Variants in OLFM2 observed in about 807,000 individuals in gnomAD.
The protein encoded by OLFM2 is noelin-2.
A neutral mutation model predicts 43.9 loss-of-function variants in OLFM2; 20 were observed. That is an observed-to-expected ratio of 0.46 (90% CI 0.32 to 0.66). The LOEUF is 0.66. Among genes scored for constraint, OLFM2 ranks in the 30% least tolerant of loss-of-function variants. The probability of loss-of-function intolerance (pLI) is 0.04; values close to 1 mark genes in which losing one functional copy is unlikely to be tolerated. For synonymous variants in OLFM2, 268 were observed against 278.6 expected, an observed-to-expected ratio of 0.96 and a Z score of 0.38; for missense variants, 416 against 643.6, an observed-to-expected ratio of 0.65 and a Z score of 3.83.
chr19:9,877,650 G>A (rs776771295), intron 1 of OLFM2, among the ~76,000 whole-genome samples: 3 of 152,096 alleles, frequency 2.0e-5, no homozygotes, highest in Non-Finnish European at 2.9e-5. Context: ...GTGAATTAAT[G>A]CCATTATCAG....
At position 9,895,377 on chromosome 19, in the gene OLFM2, T is replaced by A. The variant is rs1249615366; in HGVS notation, c.64-34583A>T. 2.6e-5 allele frequency among the ~76,000 whole-genome samples: 4 copies of A among 152,068 alleles called. No individual in the cohort carries two copies. The East Asian group carries it at 7.8e-4, about 30-fold the overall frequency. ...GGGGTGTGGTGGCACACGCCTGTAG[T>A]CCCAGCTACTCGGGAAGCTGAGGTG... On this transcript the variant is annotated intron_variant, in intron 1 of 5. Coordinates refer to ENST00000264833, the MANE Select transcript of OLFM2 (RefSeq NM_058164.4).
At chr19:9,901,158 G>C (rs1048047707) in intron 1 of OLFM2, among the ~76,000 whole-genome samples, 3 of 141,414 alleles carry the variant, frequency 2.1e-5, no homozygotes, top group African/African-American at 7.9e-5. Context: ...GAAAGAAAAA[G>C]AAAGAAAGGA....
intron 1 of OLFM2, among the ~76,000 whole-genome samples, chr19:9,914,913 C>T (rs2046863079): frequency 6.6e-6 from 1 of 152,108 alleles, no homozygotes; most frequent in South Asian, 2.1e-4. Flanking sequence ...TGACTCAGGC[C>T]TTTCCAGGCG....
rs2046291573 is a variant in OLFM2, at chr19:9,853,979, A to T, written c.*207T>A. 3.4e-6 allele frequency: 2 copies of T among 595,966 alleles called. No individual in the cohort carries two copies. The highest frequency in any genetic ancestry group is 4.1e-5 in the South Asian group (2 of 48,338). The allele number at this position is 595,966 out of a possible 1,614,324, so 36.9% of individuals were successfully genotyped here. A position where few individuals can be genotyped will look rare whatever the true frequency, so the allele number is the denominator to read the frequency against. On this transcript the variant is annotated 3_prime_UTR_variant, in exon 6 of 6. Transcript: ENST00000264833. ...AAAGGCAGAAAGAAAGAAGTGGTGT[A>T]TTAAAAGCAGAGATCAATAAAGGAG...
chr19:9,921,050 A>C (rs1467401318), intron 1 of OLFM2, among the ~76,000 whole-genome samples: 1 of 152,212 alleles, frequency 6.6e-6, no homozygotes, highest in East Asian at 1.9e-4. Context: ...GTAACAACTC[A>C]TTTAACCCTC....
At chr19:9,881,597 T>C (rs2046540331) in intron 1 of OLFM2, among the ~76,000 whole-genome samples, 1 of 152,058 alleles carries the variant, frequency 6.6e-6, no homozygotes, top group South Asian at 2.1e-4. Context: ...ACTCAAGGGA[T>C]CCTCTCAGCT....
chr19:9,919,536 G>A (rs189745042), intron 1 of OLFM2, among the ~76,000 whole-genome samples: 153 of 152,168 alleles, frequency 1.0e-3, no homozygotes, highest in African/African-American at 3.5e-3. Context: ...AGGCTGGAGT[G>A]CAGTGGCCTG....
chr19:9,857,029 ACTC>A lies in OLFM2; in HGVS notation c.581-119_581-117del. The A allele has an allele frequency of 1.0e-6, 1 of 961,850 alleles. No individual in the cohort carries two copies. The highest frequency in any genetic ancestry group is 1.5e-5 in the South Asian group (1 of 66,752). The allele number at this position is 961,850 out of a possible 1,614,324, so 59.6% of individuals were successfully genotyped here. A position where few individuals can be genotyped will look rare whatever the true frequency, so the allele number is the denominator to read the frequency against. ...AAGCTGGGACCAGGGATGAGGGAAGACTCAAAAATCTGGTCCCAATATGTTGTT... is the reference window on the plus strand; with the variant it reads ...AAGCTGGGACCAGGGATGAGGGAAGAAAAAATCTGGTCCCAATATGTTGTT... On this transcript the variant is annotated intron_variant, in intron 4 of 5. Coordinates refer to ENST00000264833, the MANE Select transcript of OLFM2 (RefSeq NM_058164.4). This position sits in a 1 kb window ranked among gnomAD's most constrained non-coding sequence, Gnocchi z 5.7.
At chr19:9,920,408 G>A (rs1210535584) in intron 1 of OLFM2, among the ~76,000 whole-genome samples, 3 of 151,994 alleles carry the variant, frequency 2.0e-5, no homozygotes, top group South Asian at 2.1e-4. Context: ...CATCACCCTG[G>A]TCCTGGCAAT....
chr19:9,865,261 C>T (rs1270751147), intron 1 of OLFM2, among the ~76,000 whole-genome samples: 2 of 150,920 alleles, frequency 1.3e-5, no homozygotes, highest in Non-Finnish European at 2.9e-5. Context: ...ACCTCCTGGG[C>T]TTAAATAGTG....
At chr19:9,876,466 G>GGT (rs2046489212) in intron 1 of OLFM2, among the ~76,000 whole-genome samples, 1 of 152,166 alleles carries the variant, frequency 6.6e-6, no homozygotes, top group Non-Finnish European at 1.5e-5. Flanking sequence ...CAGACAGCCA[G>GGT]GTACCAGGAC....
intron 1 of OLFM2, among the ~76,000 whole-genome samples, chr19:9,906,227 G>A (rs570243906): frequency 2.0e-5 from 3 of 152,082 alleles, no homozygotes; most frequent in African/African-American, 7.2e-5. Flanking sequence ...ATTAAACATC[G>A]AGACACTGTC....
intron 1 of OLFM2, among the ~76,000 whole-genome samples, chr19:9,921,133 G>A (rs1038195978): frequency 2.6e-5 from 4 of 152,082 alleles, no homozygotes; most frequent in African/African-American, 9.7e-5. Flanking sequence ...TTGTTGTTTT[G>A]AGACAGGGTT....
intron 1 of OLFM2, among the ~76,000 whole-genome samples, chr19:9,897,322 C>T (rs1174643900): frequency 5.8e-5 from 7 of 121,406 alleles, no homozygotes; most frequent in African/African-American, 2.0e-4. Flanking sequence ...AGTGAGACTT[C>T]GTCTCAAAAA....
At chr19:9,914,895 G>A (rs562483651) in intron 1 of OLFM2, among the ~76,000 whole-genome samples, 2 of 152,156 alleles carry the variant, frequency 1.3e-5, no homozygotes, top group South Asian at 2.1e-4. Flanking sequence ...GCCGTCTGGA[G>A]GCGGCGATGA....
At chr19:9,880,224 G>A (rs910955198) in intron 1 of OLFM2, among the ~76,000 whole-genome samples, 7 of 152,284 alleles carry the variant, frequency 4.6e-5, no homozygotes, top group Non-Finnish European at 1.0e-4. Flanking sequence ...CTAAGTTTAC[G>A]GATGTAGGAG....
intron 1 of OLFM2, among the ~76,000 whole-genome samples, chr19:9,877,909 A>G (rs927901467): frequency 2.0e-5 from 3 of 152,064 alleles, no homozygotes; most frequent in African/African-American, 7.2e-5. Context: ...CTGGAGTGCA[A>G]TGATGCGATC....
At position 9,917,867 on chromosome 19, in the gene OLFM2, C is replaced by G. The variant is rs536953682; in HGVS notation, c.63+18437G>C. 1.0e-3 allele frequency among the ~76,000 whole-genome samples: 141 copies of G among 137,758 alleles called. 3 individuals carry two copies. The highest frequency in any genetic ancestry group is 2.0e-4 in the Non-Finnish European group (13 of 63,822). The allele number at this position is 137,758 out of a possible 152,430, so 90.4% of individuals were successfully genotyped here. A position where few individuals can be genotyped will look rare whatever the true frequency, so the allele number is the denominator to read the frequency against. ...CCACCACTCTGTGCCACTTACCCTACTTTAGTTGTTTTTTGTTTTGTTTTG... is the reference window on the plus strand; with the variant it reads ...CCACCACTCTGTGCCACTTACCCTAGTTTAGTTGTTTTTTGTTTTGTTTTG... On this transcript the variant is annotated intron_variant, in intron 1 of 5. Transcript: ENST00000264833.
At chr19:9,883,578 G>A (rs1020499532) in intron 1 of OLFM2, among the ~76,000 whole-genome samples, 1 of 152,124 alleles carries the variant, frequency 6.6e-6, no homozygotes, top group African/African-American at 2.4e-5. Flanking sequence ...GCTGGGAGTG[G>A]AGCCAGAGGA....
Sources: gnomAD v4.1 joint callset for allele counts (sites outside exome capture counted in the v4.1 genomes callset) on GRCh38, gnomAD v4.1.1 for gene constraint, Gnocchi (gnomAD v3.1) non-coding constraint, MANE v1.5 for transcripts, NCBI Gene and HGNC (gene_info 2026-07-23, HGNC 2026-07-21) for gene names.